Variants in KIF13B observed in about 807,000 individuals in gnomAD.
The protein encoded by KIF13B is kinesin family member 13B.
Under a neutral mutation model 222.0 loss-of-function variants are expected in KIF13B, and 127 were observed. That is an observed-to-expected ratio of 0.57 (90% confidence interval 0.50 to 0.66). The LOEUF (loss-of-function observed/expected upper bound fraction) is 0.66. Ranked by LOEUF, KIF13B falls within the 30% of genes least tolerant of loss-of-function variation. KIF13B has a pLI of 0.00. For missense variants in KIF13B, 2,173 were observed against 2,379.0 expected (o/e 0.91, Z 1.80); for synonymous variants, 976 against 919.0 (o/e 1.06, Z -1.12).
chr8:29,207,969 G>A (rs569777960), intron 2 of KIF13B, among the ~76,000 whole-genome samples: 1 of 152,150 alleles, frequency 6.6e-6, no homozygotes, highest in Non-Finnish European at 1.5e-5. Flanking sequence ...TGTTCATTTC[G>A]ATATTTCCTG....
chr8:29,071,523 C>A lies in KIF13B; in HGVS notation c.5218+97G>T. 1 of 1,157,934 alleles carries A rather than the reference C, an allele frequency of 8.6e-7. No homozygotes were observed. The highest frequency in any genetic ancestry group is 2.6e-5 in the East Asian group (1 of 38,850). 71.7% of individuals were successfully genotyped at this position (1,157,934 alleles called of 1,614,324 possible). A position where few individuals can be genotyped will look rare whatever the true frequency, so the allele number is the denominator to read the frequency against. ...CAAGCCGCTGCCTCCCGGCCCCTCC[C>A]TCTCCTGCCCGGACCCTGTCCCCTC... On this transcript the variant is annotated intron_variant, in intron 39 of 39. Transcript: ENST00000524189. The surrounding 1 kb of genome is among the most constrained non-coding windows in gnomAD (Gnocchi z 4.9).
In KIF13B at chr8:29,149,588, G is replaced by A. The variant is rs541523051; in HGVS notation, c.1622+709C>T. On this transcript the variant is annotated intron_variant, in intron 15 of 39. Coordinates refer to ENST00000524189, the MANE Select transcript of KIF13B (RefSeq NM_015254.4). ...GCAAATTCTAGCAAAGGAGACAGAA[G>A]GAGAAGATTGCTGGGGACTCTGGGA... Among the ~76,000 whole-genome samples, 13 of 152,334 alleles carry A rather than the reference G, an allele frequency of 8.5e-5. No homozygotes were observed. In the East Asian group the frequency reaches 2.3e-3, roughly 27 times the overall value.
rs869030059 is a variant in KIF13B at position 29,105,650 on chromosome 8, G to GTTTTTTTTT, written c.4215+2480_4215+2488dup. ...AAGGAAACTGGGCAGAGTTTGTTTG[G>GTTTTTTTTT]TTTTTTTTTTTTTTTTTTTTTTTTT... is the stretch of plus-strand genomic sequence containing the variant. On this transcript the variant is annotated intron_variant, in intron 35 of 39. Transcript: ENST00000524189. Among the ~76,000 whole-genome samples the GTTTTTTTTT allele has an allele frequency of 2.8e-4, 22 of 78,072 alleles. 1 individual carries two copies. The highest frequency in any genetic ancestry group is 1.9e-3 in the East Asian group (4 of 2,132). 51.2% of individuals were successfully genotyped at this position (78,072 alleles called of 152,430 possible).
At chr8:29,088,137 G>A (rs1488025999) in intron 37 of KIF13B, among the ~76,000 whole-genome samples, 2 of 151,684 alleles carry the variant, frequency 1.3e-5, no homozygotes, top group South Asian at 2.1e-4. Flanking sequence ...ATGGTGGCGG[G>A]CGCCTGTAAT....
chr8:29,073,696 C>T (rs1358624366), intron 38 of KIF13B, among the ~76,000 whole-genome samples: 2 of 152,140 alleles, frequency 1.3e-5, no homozygotes, highest in Non-Finnish European at 2.9e-5. Context: ...GAGATCTATA[C>T]GTCTCTTACA....
intron 1 of KIF13B, among the ~76,000 whole-genome samples, chr8:29,259,631 T>G (rs962827002): frequency 6.6e-6 from 1 of 152,204 alleles, no homozygotes; most frequent in African/African-American, 2.4e-5. Context: ...AAACATCAAA[T>G]TCCTGGAAAG....
At position 29,192,920 on chromosome 8, in the gene KIF13B, G is replaced by A. The variant is rs575346502; in HGVS notation, c.163-1863C>T. On this transcript the variant is annotated intron_variant, in intron 3 of 39. Coordinates refer to ENST00000524189, the MANE Select transcript of KIF13B (RefSeq NM_015254.4). ...AAATAGTTCCAATGAAACTGATGGG[G>A]GTAAGGGTGGGGGCCTGCAGGGAGA... Among the ~76,000 whole-genome samples, 23 of 152,108 alleles carry A rather than the reference G, an allele frequency of 1.5e-4. 1 individual carries two copies. The South Asian group carries it at 4.8e-3, about 32-fold the overall frequency.
At chr8:29,186,146 T>A in intron 6 of KIF13B, 146 bp downstream of exon 6, 1 of 631,496 alleles carries the variant, frequency 1.6e-6, no homozygotes, top group Non-Finnish European at 2.7e-6. Flanking sequence ...AGTTCAAGGC[T>A]GAAGTAAGCT....
chr8:29,081,244 G>T (rs1807797053), intron 37 of KIF13B, among the ~76,000 whole-genome samples: 1 of 152,194 alleles, frequency 6.6e-6, no homozygotes, highest in African/African-American at 2.4e-5. Flanking sequence ...TGCCACTCCT[G>T]AGGCTCTGTA....
At chr8:29,163,843 A>T (rs904565585) in intron 12 of KIF13B, among the ~76,000 whole-genome samples, 8 of 152,216 alleles carry the variant, frequency 5.3e-5, no homozygotes, top group African/African-American at 1.9e-4. Context: ...CTATCAGCAC[A>T]ATGACTCATG....
chr8:29,236,422 T>C (rs542935320), intron 2 of KIF13B, among the ~76,000 whole-genome samples: 2 of 152,282 alleles, frequency 1.3e-5, no homozygotes, highest in East Asian at 3.9e-4. Flanking sequence ...CATTATACTA[T>C]TATACTATTC....
chr8:29,087,913 TA>T (rs1016598954), intron 37 of KIF13B, among the ~76,000 whole-genome samples: 9 of 144,888 alleles, frequency 6.2e-5, no homozygotes, highest in East Asian at 2.0e-4. Context: ...AAAAATAAAT[TA>T]AAAAAAAAAA....
At chr8:29,200,131 G>C (rs1174943138) in intron 2 of KIF13B, among the ~76,000 whole-genome samples, 1 of 152,112 alleles carries the variant, frequency 6.6e-6, no homozygotes, top group Non-Finnish European at 1.5e-5. Context: ...TAATTACAGA[G>C]CTAAGTTTGC....
At chr8:29,095,313 C>G (rs1808473816) in intron 36 of KIF13B, among the ~76,000 whole-genome samples, 3 of 152,154 alleles carry the variant, frequency 2.0e-5, no homozygotes, top group Admixed American at 2.0e-4. Flanking sequence ...AAAGAAGGAG[C>G]TGGAGATGAG....
At chr8:29,231,973 T>A (rs1009272036) in intron 2 of KIF13B, among the ~76,000 whole-genome samples, 3 of 152,038 alleles carry the variant, frequency 2.0e-5, no homozygotes, top group Non-Finnish European at 4.4e-5. Context: ...AAATTAGAAA[T>A]ATCTGGGTGC....
intron 11 of KIF13B, 32 bp downstream of exon 11, chr8:29,167,341 A>C (rs1254540862): frequency 3.9e-6 from 6 of 1,542,374 alleles, no homozygotes; most frequent in Non-Finnish European, 5.4e-6. Flanking sequence ...CTCTTCCTGG[A>C]CTCACAGGGC....
At chr8:29,244,168 C>A (rs902733417) in intron 2 of KIF13B, among the ~76,000 whole-genome samples, 1 of 152,136 alleles carries the variant, frequency 6.6e-6, no homozygotes, top group African/African-American at 2.4e-5. Context: ...CGCCCGCCAT[C>A]ACGCCCGGCT....
intron 2 of KIF13B, among the ~76,000 whole-genome samples, chr8:29,207,781 C>T (rs570426673): frequency 8.5e-5 from 13 of 152,210 alleles, no homozygotes; most frequent in Admixed American, 2.6e-4. Flanking sequence ...TTTAAGGTCA[C>T]AGACCAGAAG....
chr8:29,107,851 C>A (rs138369547), intron 35 of KIF13B, among the ~76,000 whole-genome samples: 4 of 152,106 alleles, frequency 2.6e-5, no homozygotes, highest in Admixed American at 6.5e-5. Context: ...TGAGCCACTG[C>A]GCCCAGCCTG....
Sources: allele counts gnomAD v4.1 joint callset (sites outside exome capture counted in the v4.1 genomes callset), GRCh38; gene constraint gnomAD v4.1.1; non-coding constraint Gnocchi (gnomAD v3.1); transcripts MANE v1.5; gene names NCBI Gene and HGNC (gene_info 2026-07-23, HGNC 2026-07-21).